The following ANKIB1 variants were observed in gnomAD, a reference collection of about 807,000 sequenced individuals.
ANKIB1 encodes ankyrin repeat and IBR domain-containing protein 1.
Under a neutral mutation model 122.1 loss-of-function variants are expected in ANKIB1, and 43 were observed. That is an observed-to-expected ratio of 0.35 (90% CI 0.28 to 0.45). The LOEUF (loss-of-function observed/expected upper bound fraction) is 0.45. Among genes scored for constraint, ANKIB1 ranks in the 20% least tolerant of loss-of-function variants. The pLI is 1.00. For missense variants in ANKIB1, 992 were observed against 1,329.5 expected, an observed-to-expected ratio of 0.75 and a Z score of 3.95; for synonymous variants, 390 against 442.0, an observed-to-expected ratio of 0.88 and a Z score of 1.48.
intron 1 of ANKIB1, among the ~76,000 whole-genome samples, chr7:92,275,670 A>G (rs1801887342): frequency 6.6e-6 from 1 of 152,146 alleles, no homozygotes; most frequent in Admixed American, 6.5e-5. Context: ...ACCATTCTGG[A>G]ATTGGGATTA....
chr7:92,340,707 CAT>C (rs1172764068), intron 5 of ANKIB1, among the ~76,000 whole-genome samples: 1 of 152,058 alleles, frequency 6.6e-6, no homozygotes, highest in Non-Finnish European at 1.5e-5. Flanking sequence ...AGTCAGGAAA[CAT>C]AATTTTGATT....
At chr7:92,390,724 T>G (rs1453101787) in intron 15 of ANKIB1, among the ~76,000 whole-genome samples, 2 of 152,224 alleles carry the variant, frequency 1.3e-5, no homozygotes, top group African/African-American at 2.4e-5. Context: ...CCTTCCACAC[T>G]TGACCCCAAT....
chr7:92,359,236 A>C (rs963676994), intron 9 of ANKIB1, among the ~76,000 whole-genome samples: 1 of 151,962 alleles, frequency 6.6e-6, no homozygotes, highest in African/African-American at 2.4e-5. Flanking sequence ...CCCATCCCCC[A>C]ACAGGCCCCA....
intron 4 of ANKIB1, among the ~76,000 whole-genome samples, chr7:92,322,985 T>C (rs1000024607): frequency 2.0e-5 from 3 of 152,180 alleles, no homozygotes; most frequent in African/African-American, 7.2e-5. Flanking sequence ...AAGGTTATAG[T>C]GATCCTTAAT....
At chr7:92,323,068 A>G (rs1323285348) in intron 4 of ANKIB1, among the ~76,000 whole-genome samples, 1 of 152,194 alleles carries the variant, frequency 6.6e-6, no homozygotes, top group African/African-American at 2.4e-5. Flanking sequence ...TGCTGCTATA[A>G]TCATGATTAT....
intron 4 of ANKIB1, among the ~76,000 whole-genome samples, chr7:92,322,130 CT>C (rs1802926140): frequency 6.6e-6 from 1 of 152,140 alleles, no homozygotes; most frequent in African/African-American, 2.4e-5. Context: ...GAAATTTTTA[CT>C]GTAATAATTA....
intron 1 of ANKIB1, among the ~76,000 whole-genome samples, chr7:92,247,235 A>G (rs764460001): frequency 6.6e-6 from 1 of 152,234 alleles, no homozygotes; most frequent in African/African-American, 2.4e-5. Context: ...GATAAATGTA[A>G]AGATAAGAGT....
At chr7:92,277,970 G>A (rs1801938881) in intron 1 of ANKIB1, among the ~76,000 whole-genome samples, 1 of 152,048 alleles carries the variant, frequency 6.6e-6, no homozygotes, top group African/African-American at 2.4e-5. Flanking sequence ...TATAGTCCTA[G>A]CTACTCAGGA....
chr7:92,357,977 T>A (rs1037132048), intron 9 of ANKIB1, among the ~76,000 whole-genome samples: 12 of 152,284 alleles, frequency 7.9e-5, no homozygotes, highest in Admixed American at 5.9e-4. Flanking sequence ...GTGCAGTGGC[T>A]CACGCCTGTA....
intron 9 of ANKIB1, among the ~76,000 whole-genome samples, chr7:92,356,645 G>T (rs1585123534): frequency 6.6e-6 from 1 of 152,278 alleles, no homozygotes. Context: ...TCTGTGGCTT[G>T]GTGATAAACA....
rs568910520 is a variant in ANKIB1 at position 92,348,687 on chromosome 7, A to G, written c.1086-2263A>G. On this transcript the variant is annotated intron_variant, in intron 7 of 19. Coordinates refer to ENST00000265742, the MANE Select transcript of ANKIB1 (RefSeq NM_019004.2). ...GCGTGAGCCACCGTGCCAGGCCACA[A>G]TATACCTTATATACCTTGTATATCG... is the stretch of plus-strand genomic sequence containing the variant. Among the ~76,000 whole-genome samples, 3 of 152,326 alleles carry G rather than the reference A, an allele frequency of 2.0e-5. No homozygotes were observed. In the South Asian group the frequency reaches 6.2e-4, roughly 32 times the overall value.
intron 1 of ANKIB1, among the ~76,000 whole-genome samples, chr7:92,284,225 A>G (rs1036879640): frequency 2.6e-5 from 4 of 152,174 alleles, no homozygotes; most frequent in Non-Finnish European, 5.9e-5. Context: ...GATTTTAACA[A>G]TCTGTTTTAG....
intron 1 of ANKIB1, among the ~76,000 whole-genome samples, chr7:92,264,074 T>C (rs1801617957): frequency 6.6e-6 from 1 of 152,122 alleles, no homozygotes; most frequent in African/African-American, 2.4e-5. Context: ...TGATTAACCA[T>C]CACTTATTTT....
At chr7:92,364,954 T>G (rs552185207) in intron 10 of ANKIB1, among the ~76,000 whole-genome samples, 3 of 152,182 alleles carry the variant, frequency 2.0e-5, no homozygotes, top group Non-Finnish European at 4.4e-5. Flanking sequence ...TGGTAGACAT[T>G]CTGAACTTGA....
chr7:92,367,459 T>C (rs1804115904), intron 10 of ANKIB1, among the ~76,000 whole-genome samples: 1 of 152,232 alleles, frequency 6.6e-6, no homozygotes, highest in African/African-American at 2.4e-5. Flanking sequence ...GATTAGGTAC[T>C]ATTTTAGCTT....
At chr7:92,287,633 G>A (rs1017046158) in intron 1 of ANKIB1, among the ~76,000 whole-genome samples, 3 of 151,882 alleles carry the variant, frequency 2.0e-5, no homozygotes, top group East Asian at 1.9e-4. Context: ...GATGCTTTGC[G>A]TCCATGCAAA....
chr7:92,274,726 C>T (rs943313997), intron 1 of ANKIB1, among the ~76,000 whole-genome samples: 2 of 152,134 alleles, frequency 1.3e-5, no homozygotes, highest in African/African-American at 4.8e-5. Context: ...GCGGGAAGAT[C>T]ACTTGACACC....
At chr7:92,338,931 AAAATATATATATATATATAT>A (rs1212961467) in intron 5 of ANKIB1, among the ~76,000 whole-genome samples, 4 of 31,422 alleles carry the variant, frequency 1.3e-4, no homozygotes, top group African/African-American at 5.3e-4. Context: ...AAAAAAAAAA[AAAATATATATATATATATAT>A]ATATATATAT....
At chr7:92,260,828 C>T (rs1340001627) in intron 1 of ANKIB1, among the ~76,000 whole-genome samples, 1 of 152,142 alleles carries the variant, frequency 6.6e-6, no homozygotes, top group African/African-American at 2.4e-5. Flanking sequence ...GCTGCATTCC[C>T]CTTCGCCTAC....
Sources: allele counts gnomAD v4.1 joint callset (sites outside exome capture counted in the v4.1 genomes callset), GRCh38; gene constraint gnomAD v4.1.1; transcripts MANE v1.5; gene names NCBI Gene and HGNC (gene_info 2026-07-23, HGNC 2026-07-21).